The following PRKCD variants were observed in gnomAD, a reference collection of about 807,000 sequenced individuals.
The protein encoded by PRKCD is protein kinase C delta.
In PRKCD, 20 loss-of-function variants were observed where a neutral mutation model predicts 82.2. That is an observed-to-expected ratio of 0.24 (90% CI 0.17 to 0.35). PRKCD has a LOEUF of 0.35. Among genes scored for constraint, PRKCD ranks in the 10% least tolerant of loss-of-function variants. The probability of loss-of-function intolerance (pLI) is 1.00; values close to 1 mark genes in which losing one functional copy is unlikely to be tolerated. For missense variants in PRKCD, 607 were observed against 899.0 expected (o/e 0.68, Z 4.15); for synonymous variants, 317 against 337.0 (o/e 0.94, Z 0.65).
intron 7 of PRKCD, among the ~76,000 whole-genome samples, chr3:53,182,162 G>A (rs369315554): frequency 2.0e-5 from 3 of 152,160 alleles, no homozygotes; most frequent in South Asian, 2.1e-4. Context: ...ACGAGGCGCC[G>A]CAGGCTGGAG....
intron 3 of PRKCD, among the ~76,000 whole-genome samples, chr3:53,178,917 C>T (rs1703320038): frequency 6.6e-6 from 1 of 152,232 alleles, no homozygotes; most frequent in Admixed American, 6.5e-5. Flanking sequence ...CGTCAAAAAG[C>T]AGTGAGTCCT....
intron 2 of PRKCD, among the ~76,000 whole-genome samples, chr3:53,174,532 G>T (rs797022980): frequency 2.0e-5 from 3 of 152,180 alleles, no homozygotes; most frequent in African/African-American, 7.2e-5. Flanking sequence ...TTGCTTTTGT[G>T]CTGCTGCTTC....
rs782526924 is a variant in PRKCD, at chr3:53,192,140, G to C, written c.1905G>C (p.Gln635His). Reference sequence around the variant, plus strand: ...CCAGAGACTACAGTAACTTTGACCAGGAGTTCCTGAACGAGAAGGCGCGCC... The same window carrying C: ...CCAGAGACTACAGTAACTTTGACCACGAGTTCCTGAACGAGAAGGCGCGCC... ...KSPRDYSNFD[Q>H]EFLNEKARLS... Residue 635 changes from glutamine to histidine, a missense_variant, in exon 19 of 19, where the codon CAG (glutamine) becomes CAC (histidine). Physicochemically the swap from Gln to His is conservative, Grantham distance 24. Around this residue, in one of 5 missense-constraint regions of PRKCD, gnomAD observed 251 missense variants for 423.9 expected, o/e 0.59. Coordinates refer to ENST00000330452, the MANE Select transcript of PRKCD (RefSeq NM_006254.4). 2 of 1,613,984 alleles carry C rather than the reference G, an allele frequency of 1.2e-6. No individual in the cohort carries two copies.
At chr3:53,165,503 CT>C (rs1400334511) in intron 2 of PRKCD, among the ~76,000 whole-genome samples, 2 of 152,208 alleles carry the variant, frequency 1.3e-5, no homozygotes, top group Non-Finnish European at 2.9e-5. Flanking sequence ...AGTAGTAACG[CT>C]TTTTTGGTCA....
chr3:53,185,531 G>A, intron 10 of PRKCD, 73 bp from the exon 11 acceptor site: 1 of 1,270,080 alleles, frequency 7.9e-7, no homozygotes, highest in Non-Finnish European at 1.1e-6. Context: ...TTATACCTGG[G>A]AGTCTTCCTT....
chr3:53,189,861 G>A lies in PRKCD; in HGVS notation c.1744-12G>A, dbSNP rs1553670415. The stretch of plus-strand genomic sequence containing the variant: ...CCCTTGGGTGCTAACCAGGGTCCCT[G>A]CTGGGTTGCAGCTCTTTGAAAGGGA... On this transcript the variant is annotated splice_polypyrimidine_tract_variant and intron_variant, in intron 17 of 18. Transcript: ENST00000330452. 4 of 1,613,996 alleles carry A rather than the reference G, an allele frequency of 2.5e-6. No homozygotes were observed. Among genetic ancestry groups the A allele is most frequent in the Non-Finnish European group, 3.4e-6 (4 of 1,179,984 alleles).
At chr3:53,179,325 A>G (rs916690930) in intron 3 of PRKCD, 2 of 592,350 alleles carry the variant, frequency 3.4e-6, no homozygotes, top group African/African-American at 1.8e-5. Context: ...ATGAATGCAT[A>G]AGGGCAGGCG....
chr3:53,173,695 G>A (rs1199825749), intron 2 of PRKCD: 1 of 152,146 alleles, frequency 6.6e-6, no homozygotes, highest in East Asian at 1.9e-4. Context: ...GGCCAGGCTG[G>A]TCTTGAACTC....
chr3:53,186,065 C>T (rs1553668968), intron 12 of PRKCD, 38 bp downstream of exon 12: 1 of 1,612,398 alleles, frequency 6.2e-7, no homozygotes, highest in Non-Finnish European at 8.5e-7. Context: ...TCCCACCCCA[C>T]CCTGGCTTCT....
chr3:53,171,665 C>G (rs1397816935), intron 2 of PRKCD, among the ~76,000 whole-genome samples: 1 of 152,216 alleles, frequency 6.6e-6, no homozygotes, highest in African/African-American at 2.4e-5. Flanking sequence ...TGGGAAGGGT[C>G]CCCCAGGGCC....
intron 13 of PRKCD, 95 bp from the exon 14 acceptor site, chr3:53,186,509 C>A: frequency 2.2e-6 from 3 of 1,388,718 alleles, no homozygotes; most frequent in Non-Finnish European, 3.0e-6. Context: ...AGGGCCTGTC[C>A]CTGCTGTTTC....
chr3:53,163,089 G>A (rs185690842), intron 1 of PRKCD, among the ~76,000 whole-genome samples: 8 of 152,092 alleles, frequency 5.3e-5, no homozygotes, highest in East Asian at 3.9e-4. Flanking sequence ...GTGTGTGTGC[G>A]TGTGTGTGTG....
At position 53,186,037 on chromosome 3, in the gene PRKCD, G is replaced by T. The variant is rs527392273; in HGVS notation, c.1086+10G>T. On this transcript the variant is annotated intron_variant, in intron 12 of 18. Coordinates refer to ENST00000330452, the MANE Select transcript of PRKCD (RefSeq NM_006254.4). ...AGGCAGCTTCGGGAAGGTGAGGGCT[G>T]TGAGCCGGGCACCTGCTTCCCACCC... The T allele has an allele frequency of 6.2e-7, 1 of 1,613,924 alleles. No homozygotes were observed. The highest frequency in any genetic ancestry group is 8.5e-7 in the Non-Finnish European group (1 of 1,179,898).
chr3:53,185,909 G>GT lies in PRKCD; in HGVS notation c.986-17dup. 6.2e-7 allele frequency: 1 copy of GT among 1,613,080 alleles called. No homozygotes were observed. The highest frequency in any genetic ancestry group is 8.5e-7 in the Non-Finnish European group (1 of 1,179,052). On this transcript the variant is annotated splice_polypyrimidine_tract_variant and intron_variant, in intron 11 of 18. Transcript: ENST00000330452. ...TAGACTGAGACCCCGATCTGAGGAG[G>GT]TGCCATCTCTCGGGCAGACAACAGT...
intron 2 of PRKCD, among the ~76,000 whole-genome samples, chr3:53,173,901 G>A (rs1262119149): frequency 6.6e-6 from 1 of 152,134 alleles, no homozygotes; most frequent in East Asian, 1.9e-4. Flanking sequence ...CTGTCTTCAT[G>A]TGTGTTTGTG....
At position 53,169,161 on chromosome 3, in the gene PRKCD, C is replaced by T. The variant is rs1399706934; in HGVS notation, c.-20+3946C>T. Reference sequence around the variant, plus strand: ...GCCTGAGCCACTGCCTGAGCTCGTGCACTCCTAGTGGATGAGGAGCGCTGG... The same window carrying T: ...GCCTGAGCCACTGCCTGAGCTCGTGTACTCCTAGTGGATGAGGAGCGCTGG... On this transcript the variant is annotated intron_variant, in intron 2 of 18. Transcript: ENST00000330452. This position sits in a 1 kb window ranked among gnomAD's most constrained non-coding sequence, Gnocchi z 4.7. Among the ~76,000 whole-genome samples the T allele has an allele frequency of 2.0e-5, 3 of 151,800 alleles. No homozygotes were observed. Among genetic ancestry groups the T allele is most frequent in the African/African-American group, 7.3e-5 (3 of 41,280 alleles).
In PRKCD at chr3:53,169,732, G is replaced by A. The variant is rs545874831; in HGVS notation, c.-20+4517G>A. Among the ~76,000 whole-genome samples, 334 of 152,298 alleles carry A rather than the reference G, an allele frequency of 2.2e-3. 1 individual carries two copies. The highest frequency in any genetic ancestry group is 7.2e-3 in the African/African-American group (298 of 41,554). On this transcript the variant is annotated intron_variant, in intron 2 of 18. Transcript: ENST00000330452. The surrounding 1 kb of genome is among the most constrained non-coding windows in gnomAD (Gnocchi z 4.7). ...CAGTAGCTGGCCAGCCTCTGCCAGTGGACTCATGCTGCCTGCTTCAGCCCA... is the reference window on the plus strand; with the variant it reads ...CAGTAGCTGGCCAGCCTCTGCCAGTAGACTCATGCTGCCTGCTTCAGCCCA...
chr3:53,181,733 G>C lies in PRKCD; in HGVS notation c.571+1G>C. 2 of 1,614,130 alleles carry C rather than the reference G, an allele frequency of 1.2e-6. No homozygotes were observed. Among genetic ancestry groups the C allele is most frequent in the Non-Finnish European group, 1.7e-6 (2 of 1,179,968 alleles). On this transcript the variant is annotated splice_donor_variant, in intron 7 of 18. Coordinates refer to ENST00000330452, the MANE Select transcript of PRKCD (RefSeq NM_006254.4). LOFTEE classifies it high-confidence loss of function. The stretch of plus-strand genomic sequence containing the variant: ...AACAAGCAAGGCTACAAATGCAGGC[G>C]TAAGTGTCTCCACAGGCCAGTTTGT...
intron 18 of PRKCD, among the ~76,000 whole-genome samples, chr3:53,191,275 G>A (rs2107291392): frequency 6.6e-6 from 1 of 152,268 alleles, no homozygotes; most frequent in East Asian, 1.9e-4. Flanking sequence ...GGGTACGGTG[G>A]TGCACACCTG....
Sources: allele counts gnomAD v4.1 joint callset (sites outside exome capture counted in the v4.1 genomes callset), GRCh38; gene constraint gnomAD v4.1.1; regional missense constraint gnomAD v4.1.1; non-coding constraint Gnocchi (gnomAD v3.1); transcripts MANE v1.5; gene names NCBI Gene and HGNC (gene_info 2026-07-23, HGNC 2026-07-21).